Variants in NEGR1 observed in about 807,000 individuals in gnomAD.
NEGR1 encodes the protein IgLON family member 4.
A neutral mutation model predicts 40.9 loss-of-function variants in NEGR1; 10 were observed. The ratio of observed to expected loss-of-function variants is 0.24; its 90% CI spans 0.15 to 0.42. NEGR1 has a LOEUF of 0.42. Among genes scored for constraint, NEGR1 ranks in the 10% least tolerant of loss-of-function variants. The pLI, the probability that NEGR1 is intolerant of heterozygous loss-of-function variation, is 1.00. For missense variants in NEGR1, 352 were observed against 438.9 expected (o/e 0.80, Z 1.77); for synonymous variants, 185 against 166.8 (o/e 1.11, Z -0.84).
chr1:71,826,724 GA>G (rs1281402754), intron 2 of NEGR1, among the ~76,000 whole-genome samples: 1 of 151,724 alleles, frequency 6.6e-6, no homozygotes, highest in Non-Finnish European at 1.5e-5. Context: ...CACATTCCAA[GA>G]AAAAAATTGT....
chr1:71,410,776 G>C (rs1002577067), intron 6 of NEGR1, among the ~76,000 whole-genome samples: 9 of 152,066 alleles, frequency 5.9e-5, no homozygotes, highest in Non-Finnish European at 1.3e-4. Context: ...TGAAGAACAG[G>C]GCTAATGATA....
intron 1 of NEGR1, among the ~76,000 whole-genome samples, chr1:72,159,143 T>G (rs1159708929): frequency 1.3e-5 from 2 of 152,184 alleles, no homozygotes; most frequent in Non-Finnish European, 2.9e-5. Flanking sequence ...GCTATGCTGA[T>G]TTTGATACTT....
In NEGR1 at chr1:71,963,109, TTAACAGAA is replaced by T. The variant is rs1646180271; in HGVS notation, c.177-27806_177-27799del. 4.6e-5 allele frequency among the ~76,000 whole-genome samples: 7 copies of T among 152,206 alleles called. No individual in the cohort carries two copies. In the Middle Eastern group the frequency reaches 0.01, roughly 222 times the overall value. On this transcript the variant is annotated intron_variant, in intron 1 of 6. Transcript: ENST00000357731. ...GATATCTATTTTTTTTTAAAAGTTG[TTAACAGAA>T]ATAGGGTAATCCTATACATAATATA...
At chr1:71,860,375 A>C (rs909303304) in intron 2 of NEGR1, among the ~76,000 whole-genome samples, 1 of 151,980 alleles carries the variant, frequency 6.6e-6, no homozygotes, top group African/African-American at 2.4e-5. Flanking sequence ...TGTGTTTTTC[A>C]GCAATCTATT....
chr1:71,715,463 A>G (rs796073358), intron 3 of NEGR1, among the ~76,000 whole-genome samples: 5 of 152,344 alleles, frequency 3.3e-5, no homozygotes, highest in African/African-American at 1.2e-4. Flanking sequence ...TAAGGCTTCA[A>G]ATTTCCCAAA....
intron 1 of NEGR1, among the ~76,000 whole-genome samples, chr1:71,997,826 C>T (rs1006880737): frequency 1.3e-5 from 2 of 151,868 alleles, no homozygotes; most frequent in Non-Finnish European, 2.9e-5. Flanking sequence ...GCCAGCTTTC[C>T]AGCTATAAAA....
chr1:72,144,955 T>C (rs1650851342), intron 1 of NEGR1, among the ~76,000 whole-genome samples: 2 of 152,126 alleles, frequency 1.3e-5, no homozygotes, highest in East Asian at 3.8e-4. Flanking sequence ...GCTTGCATTG[T>C]CCTTCCATAT....
At chr1:72,196,482 A>G (rs1653002598) in intron 1 of NEGR1, among the ~76,000 whole-genome samples, 1 of 152,116 alleles carries the variant, frequency 6.6e-6, no homozygotes, top group African/African-American at 2.4e-5. Context: ...TAGAAAAATA[A>G]TCGCTGGCTG....
intron 3 of NEGR1, among the ~76,000 whole-genome samples, chr1:71,767,689 TA>T (rs529484182): frequency 5.4e-4 from 82 of 152,286 alleles, no homozygotes; most frequent in African/African-American, 1.9e-3. Flanking sequence ...TAAAGGCTGA[TA>T]GAAAAATGAG....
intron 4 of NEGR1, among the ~76,000 whole-genome samples, chr1:71,671,074 T>G (rs1428941618): frequency 6.6e-6 from 1 of 151,928 alleles, no homozygotes; most frequent in African/African-American, 2.4e-5. Context: ...AACTATTTAT[T>G]GTTATATTTT....
intron 6 of NEGR1, among the ~76,000 whole-genome samples, chr1:71,494,768 A>G (rs2101391222): frequency 6.6e-6 from 1 of 152,180 alleles, no homozygotes; most frequent in East Asian, 1.9e-4. Flanking sequence ...TTCCTGAAGC[A>G]TCCTCTAAGT....
intron 6 of NEGR1, among the ~76,000 whole-genome samples, chr1:71,535,072 G>A (rs144892201): frequency 1.3e-3 from 204 of 151,462 alleles, no homozygotes; most frequent in African/African-American, 4.4e-3. Flanking sequence ...ATAATACATC[G>A]TAATTTATAG....
At chr1:71,732,481 A>C (rs1374776367) in intron 3 of NEGR1, among the ~76,000 whole-genome samples, 1 of 147,000 alleles carries the variant, frequency 6.8e-6, no homozygotes, top group Non-Finnish European at 1.5e-5. Flanking sequence ...CATTCGACAC[A>C]TTACTGAATG....
chr1:71,434,863 G>A (rs1163491796), intron 6 of NEGR1, among the ~76,000 whole-genome samples: 9 of 152,142 alleles, frequency 5.9e-5, no homozygotes, highest in Non-Finnish European at 1.2e-4. Context: ...AGGCCAAGGC[G>A]GGCGGATCAC....
intron 6 of NEGR1, among the ~76,000 whole-genome samples, chr1:71,410,348 A>C (rs1230028878): frequency 6.6e-6 from 1 of 152,124 alleles, no homozygotes; most frequent in Non-Finnish European, 1.5e-5. Context: ...ACATGTCACC[A>C]GTCGTACTCT....
chr1:72,201,126 G>A (rs570155868), intron 1 of NEGR1, among the ~76,000 whole-genome samples: 10 of 151,616 alleles, frequency 6.6e-5, no homozygotes, highest in Non-Finnish European at 1.0e-4. Flanking sequence ...ATTTTACATT[G>A]TGTGGAAATG....
chr1:71,715,203 GGAT>G (rs1037396823), intron 3 of NEGR1, among the ~76,000 whole-genome samples: 2 of 152,160 alleles, frequency 1.3e-5, no homozygotes, highest in Non-Finnish European at 2.9e-5. Context: ...GTCGTGGCTG[GGAT>G]GCAGGGCACC....
intron 1 of NEGR1, among the ~76,000 whole-genome samples, chr1:72,082,729 T>G (rs115084399): frequency 0.01 from 1,511 of 149,734 alleles, 28 homozygotes; most frequent in African/African-American, 0.036. Flanking sequence ...AAAAAAAAAC[T>G]AATGGGTCAT....
At chr1:71,423,987 TAA>T (rs1006791180) in intron 6 of NEGR1, among the ~76,000 whole-genome samples, 1 of 151,868 alleles carries the variant, frequency 6.6e-6, no homozygotes, top group African/African-American at 2.4e-5. Flanking sequence ...TTGGAGGAGA[TAA>T]TGTATGTGCC....
Sources: gnomAD v4.1 joint callset for allele counts (sites outside exome capture counted in the v4.1 genomes callset) on GRCh38, gnomAD v4.1.1 for gene constraint, MANE v1.5 for transcripts, NCBI Gene and HGNC (gene_info 2026-07-23, HGNC 2026-07-21) for gene names.